CLIC5: variants seen among roughly 807,000 people sequenced by gnomAD.
The protein encoded by CLIC5 is chloride intracellular channel protein 5.
In CLIC5, 20 loss-of-function variants were observed where a neutral mutation model predicts 24.7. That is an observed-to-expected ratio of 0.81 (90% confidence interval 0.57 to 1.18). The LOEUF is 1.18. Ranked by LOEUF, CLIC5 falls within the 50% of genes most tolerant of loss-of-function variation. The pLI is 0.00. For synonymous variants in CLIC5, 159 were observed against 135.6 expected, an observed-to-expected ratio of 1.17 and a Z score of -1.20; for missense variants, 341 against 326.1, an observed-to-expected ratio of 1.05 and a Z score of -0.35.
intron 6 of CLIC5, among the ~76,000 whole-genome samples, chr6:45,884,468 G>A (rs998766531): frequency 6.6e-6 from 1 of 152,210 alleles, no homozygotes; most frequent in Non-Finnish European, 1.5e-5. Flanking sequence ...AGCGGAATAT[G>A]TACTTTCCGC....
chr6:46,057,896 C>A (rs1768305131), intron 1 of CLIC5, among the ~76,000 whole-genome samples: 1 of 152,146 alleles, frequency 6.6e-6, no homozygotes, highest in Admixed American at 6.5e-5. Flanking sequence ...TCTCAAATAC[C>A]CTCACATTAC....
intron 1 of CLIC5, among the ~76,000 whole-genome samples, chr6:46,005,980 GTATATATATATATATATATTTA>G (rs1162072021): frequency 5.1e-5 from 6 of 117,696 alleles, no homozygotes; most frequent in African/African-American, 1.0e-4. Context: ...GCCTATGTGT[GTATATATATATATATATATTTA>G]TATATATATA....
the CLIC5 span, among the ~76,000 whole-genome samples, chr6:46,107,847 C>T: frequency 6.6e-6 from 1 of 151,966 alleles, no homozygotes; most frequent in African/African-American, 2.4e-5. Context: ...ACCTGTCTGG[C>T]CAATATGGCA....
chr6:45,957,724 C>T (rs1423663553), intron 1 of CLIC5, among the ~76,000 whole-genome samples: 1 of 152,172 alleles, frequency 6.6e-6, no homozygotes, highest in African/African-American at 2.4e-5. Context: ...GAGGATGCTA[C>T]CATTTACTTT....
chr6:46,118,885 G>T, the CLIC5 span, among the ~76,000 whole-genome samples: 62 of 152,184 alleles, frequency 4.1e-4, no homozygotes, highest in African/African-American at 1.4e-3. Context: ...AGGGTCTTGA[G>T]AAGGGGAGAT....
intron 3 of CLIC5, among the ~76,000 whole-genome samples, chr6:45,948,777 CT>C (rs1226941729): frequency 2.0e-5 from 3 of 152,096 alleles, no homozygotes; most frequent in African/African-American, 7.2e-5. Flanking sequence ...TTTTTTTCAT[CT>C]GTTTAATTGT....
chr6:46,064,032 A>G (rs1461046412), intron 1 of CLIC5, among the ~76,000 whole-genome samples: 1 of 152,232 alleles, frequency 6.6e-6, no homozygotes, highest in Non-Finnish European at 1.5e-5. Context: ...AATGCAACTC[A>G]TAACCAAGCA....
chr6:46,079,749 TCTTCCAAAC>T (rs1484240319), exon 1 of CLIC5: 1 of 1,551,724 alleles, frequency 6.4e-7, no homozygotes, highest in Non-Finnish European at 8.7e-7. Flanking sequence ...TCCCTCCTTT[TCTTCCAAAC>T]CTTCAGCATC....
chr6:45,913,940 A>C (rs1341011985), intron 5 of CLIC5: 1 of 568,958 alleles, frequency 1.8e-6, no homozygotes, highest in Non-Finnish European at 2.6e-6. Context: ...AATTGCGACT[A>C]TTACACATAT....
At chr6:45,937,793 G>A (rs906606567) in intron 4 of CLIC5, among the ~76,000 whole-genome samples, 2 of 152,198 alleles carry the variant, frequency 1.3e-5, no homozygotes, top group Admixed American at 6.5e-5. Flanking sequence ...CCCACGGATG[G>A]GGTCTCGGTT....
At chr6:46,005,770 A>T (rs1766530112) in intron 1 of CLIC5, among the ~76,000 whole-genome samples, 1 of 151,850 alleles carries the variant, frequency 6.6e-6, no homozygotes, top group Admixed American at 6.6e-5. Context: ...AAGAGAATAG[A>T]GTTATCCTCC....
exon 1 of CLIC5, chr6:46,080,217 A>G: frequency 6.4e-7 from 1 of 1,551,530 alleles, no homozygotes; most frequent in Non-Finnish European, 8.7e-7. Context: ...TGTGTCATAG[A>G]TGGTGCTGTA....
rs544021923 is a variant in CLIC5 at position 45,914,089 on chromosome 6, A to T, written c.588+139T>A. The T allele has an allele frequency of 1.6e-3, 935 of 587,830 alleles. 1 individual carries two copies. Among genetic ancestry groups the T allele is most frequent in the Non-Finnish European group, 2.1e-3 (798 of 384,736 alleles). The allele number at this position is 587,830 out of a possible 1,614,324, so 36.4% of individuals were successfully genotyped here. ...CACAGCCAACAAGCAGCAGAGGGTGACCTTGGGTCCTTATTACCTGACTTC... is the reference window on the plus strand; with the variant it reads ...CACAGCCAACAAGCAGCAGAGGGTGTCCTTGGGTCCTTATTACCTGACTTC... On this transcript the variant is annotated intron_variant, in intron 5 of 5. Coordinates refer to ENST00000339561, the MANE Select transcript of CLIC5 (RefSeq NM_016929.5).
intron 4 of CLIC5, chr6:45,920,155 T>G (rs1481791574): frequency 1.0e-6 from 1 of 976,600 alleles, no homozygotes; most frequent in Non-Finnish European, 1.2e-6. Flanking sequence ...CATATTTGTG[T>G]TCTGCTACCA....
intron 6 of CLIC5, among the ~76,000 whole-genome samples, chr6:45,886,500 T>C (rs1246460988): frequency 1.3e-5 from 2 of 152,146 alleles, no homozygotes; most frequent in South Asian, 2.1e-4. Flanking sequence ...TAAATTTCCT[T>C]TTATCACCAG....
At chr6:45,971,043 A>G (rs111361278) in intron 1 of CLIC5, among the ~76,000 whole-genome samples, 310 of 152,346 alleles carry the variant, frequency 2.0e-3, no homozygotes, top group Non-Finnish European at 3.6e-3. Context: ...TCCAAAATAA[A>G]TGAGGTACAG....
rs371996448 is a variant in CLIC5, at chr6:45,965,974, G to T, written c.64-10730C>A. On this transcript the variant is annotated intron_variant, in intron 1 of 5. Coordinates refer to ENST00000339561, the MANE Select transcript of CLIC5 (RefSeq NM_016929.5). Reference sequence around the variant, plus strand: ...GGTTGGTGTTTGGGATCCTGACATAGCTGAGATTCCTCAATTATTACTCAT... The same window carrying T: ...GGTTGGTGTTTGGGATCCTGACATATCTGAGATTCCTCAATTATTACTCAT... Among the ~76,000 whole-genome samples the T allele has an allele frequency of 1.1e-4, 17 of 152,270 alleles. No homozygotes were observed. In the East Asian group the frequency reaches 1.9e-3, roughly 17 times the overall value.
intron 6 of CLIC5, among the ~76,000 whole-genome samples, chr6:45,888,498 G>C (rs1460906070): frequency 6.6e-6 from 1 of 152,108 alleles, no homozygotes; most frequent in East Asian, 1.9e-4. Flanking sequence ...AGGAACTATG[G>C]GATGAGTTTG....
intron 4 of CLIC5, among the ~76,000 whole-genome samples, chr6:45,915,485 C>T (rs1185311733): frequency 6.6e-6 from 1 of 152,096 alleles, no homozygotes; most frequent in Admixed American, 6.5e-5. Context: ...ATGTCACCCC[C>T]AGAGAAGTGA....
Sources: gnomAD v4.1 joint callset for allele counts (sites outside exome capture counted in the v4.1 genomes callset) on GRCh38, gnomAD v4.1.1 for gene constraint, MANE v1.5 for transcripts, NCBI Gene and HGNC (gene_info 2026-07-23, HGNC 2026-07-21) for gene names.